SCFD2: variants seen among roughly 807,000 people sequenced by gnomAD.
The protein encoded by SCFD2 is sec1 family domain-containing protein 2.
In SCFD2, 54 loss-of-function variants were observed where a neutral mutation model predicts 58.9. The ratio of observed to expected loss-of-function variants is 0.92; its 90% CI spans 0.74 to 1.15. SCFD2 has a LOEUF of 1.15. SCFD2 is among the 50% of genes most tolerant of loss of function. The probability of loss-of-function intolerance (pLI) is 0.00; values close to 1 mark genes in which losing one functional copy is unlikely to be tolerated. For synonymous variants in SCFD2, 321 were observed against 335.9 expected (o/e 0.96, Z 0.49); for missense variants, 805 against 836.6 (o/e 0.96, Z 0.47).
chr4:52,958,099 C>CTTCTTT, intron 5 of SCFD2: 1 of 152,154 alleles, frequency 6.6e-6, no homozygotes, highest in Non-Finnish European at 1.5e-5. Flanking sequence ...AAGGAAAAAA[C>CTTCTTT]GTTCATTTTC....
At chr4:53,134,380 A>G (rs1361707212) in intron 5 of SCFD2, among the ~76,000 whole-genome samples, 1 of 152,174 alleles carries the variant, frequency 6.6e-6, no homozygotes, top group East Asian at 1.9e-4. Flanking sequence ...AAAAAAAAAC[A>G]GTGCTTTTTA....
Position 52,873,857 on chromosome 4 carries a change from C to A in SCFD2, c.*112G>T. ...CAAGACCCTTCAGGCAGAATTCCAT[C>A]ATTCTCGCAATTAGTGACAGGGACG... On this transcript the variant is annotated 3_prime_UTR_variant, in exon 9 of 9. Transcript: ENST00000401642. 1.4e-6 allele frequency: 1 copy of A among 713,496 alleles called. No individual in the cohort carries two copies. The allele number at this position is 713,496 out of a possible 1,614,324, so 44.2% of individuals were successfully genotyped here. A position where few individuals can be genotyped will look rare whatever the true frequency, so the allele number is the denominator to read the frequency against.
chr4:52,923,352 C>T (rs1015323605), intron 5 of SCFD2, among the ~76,000 whole-genome samples: 2 of 151,998 alleles, frequency 1.3e-5, no homozygotes, highest in African/African-American at 2.4e-5. Flanking sequence ...TGGCAGGCCG[C>T]GTATAATCCG....
At chr4:53,248,350 G>A (rs1192350837) in intron 4 of SCFD2, among the ~76,000 whole-genome samples, 3 of 152,224 alleles carry the variant, frequency 2.0e-5, no homozygotes, top group Admixed American at 6.5e-5. Flanking sequence ...TGGGGGAGGG[G>A]CGCCCGCCAT....
At chr4:53,235,761 GGAAAT>G (rs1386486648) in intron 4 of SCFD2, among the ~76,000 whole-genome samples, 4 of 152,166 alleles carry the variant, frequency 2.6e-5, no homozygotes, top group Non-Finnish European at 5.9e-5. Context: ...GTGTGGAAGA[GGAAAT>G]GAAAGTATGA....
Position 52,985,621 on chromosome 4 carries a change from A to G in SCFD2, c.1562-64751T>C, listed in dbSNP as rs369505644. On this transcript the variant is annotated intron_variant, in intron 5 of 8. Transcript: ENST00000401642. ...AATCACACCCCCAGACGTATCTGAA[A>G]AACTTCCTTTGGAAGATTGCAAAAG... 1.8e-4 allele frequency among the ~76,000 whole-genome samples: 24 copies of G among 132,612 alleles called. 1 individual carries two copies. The South Asian group carries it at 5.7e-3, about 32-fold the overall frequency. 87.0% of individuals were successfully genotyped at this position (132,612 alleles called of 152,430 possible).
intron 7 of SCFD2, among the ~76,000 whole-genome samples, chr4:52,891,430 T>C (rs998860741): frequency 4.6e-5 from 7 of 152,190 alleles, no homozygotes; most frequent in African/African-American, 1.7e-4. Context: ...CATCACTTTA[T>C]GCAAGCCTTA....
At chr4:53,247,934 T>C (rs974409896) in intron 4 of SCFD2, among the ~76,000 whole-genome samples, 1 of 137,110 alleles carries the variant, frequency 7.3e-6, no homozygotes, top group Non-Finnish European at 1.6e-5. Flanking sequence ...GATGGCCGAA[T>C]AGGAACAGCT....
At chr4:53,212,257 A>G (rs1394041180) in intron 4 of SCFD2, among the ~76,000 whole-genome samples, 1 of 152,006 alleles carries the variant, frequency 6.6e-6, no homozygotes, top group Non-Finnish European at 1.5e-5. Flanking sequence ...TTAACCATAC[A>G]TTATAGCTTA....
At chr4:53,268,251 T>A (rs1396533883) in intron 4 of SCFD2, among the ~76,000 whole-genome samples, 6 of 151,630 alleles carry the variant, frequency 4.0e-5, no homozygotes, top group Non-Finnish European at 8.8e-5. Context: ...CCCAAGGGGA[T>A]GGAAAGGGCA....
At chr4:53,285,516 C>T (rs1305346395) in intron 3 of SCFD2, among the ~76,000 whole-genome samples, 5 of 151,928 alleles carry the variant, frequency 3.3e-5, no homozygotes, top group African/African-American at 1.2e-4. Flanking sequence ...TTTAAGAAGA[C>T]TGATAAGAAA....
At chr4:53,263,476 A>T (rs1426709645) in intron 4 of SCFD2, among the ~76,000 whole-genome samples, 2 of 152,036 alleles carry the variant, frequency 1.3e-5, no homozygotes, top group Non-Finnish European at 2.9e-5. Flanking sequence ...TCCCCTAGGG[A>T]TGGGGCTTCC....
chr4:52,995,413 CGTGGACCA>C (rs765751995), intron 5 of SCFD2, among the ~76,000 whole-genome samples: 2 of 152,106 alleles, frequency 1.3e-5, no homozygotes, highest in Non-Finnish European at 2.9e-5. Context: ...CCTAACAGGC[CGTGGACCA>C]GTGTCAGTCC....
At chr4:52,932,783 C>A (rs1720030381) in intron 5 of SCFD2, among the ~76,000 whole-genome samples, 1 of 152,154 alleles carries the variant, frequency 6.6e-6, no homozygotes, top group African/African-American at 2.4e-5. Context: ...CTGCCCCAAT[C>A]TAAGGTTCCA....
chr4:53,070,100 G>C (rs1723774972), intron 5 of SCFD2, among the ~76,000 whole-genome samples: 1 of 151,938 alleles, frequency 6.6e-6, no homozygotes, highest in South Asian at 2.1e-4. Flanking sequence ...TTAAAATAAA[G>C]AAACCAACCA....
At chr4:53,360,180 T>G (rs1357918030) in intron 1 of SCFD2, among the ~76,000 whole-genome samples, 1 of 152,230 alleles carries the variant, frequency 6.6e-6, no homozygotes, top group East Asian at 1.9e-4. Flanking sequence ...TGTATATCAC[T>G]AATATGGGAT....
chr4:53,224,383 C>G (rs1026136566), intron 4 of SCFD2, among the ~76,000 whole-genome samples: 1 of 92,102 alleles, frequency 1.1e-5, no homozygotes, highest in East Asian at 3.3e-4. Context: ...AGCAAGACTC[C>G]GTCTCAAAAA....
chr4:53,354,022 T>C (rs1211689056), intron 1 of SCFD2, among the ~76,000 whole-genome samples: 1 of 152,260 alleles, frequency 6.6e-6, no homozygotes, highest in Non-Finnish European at 1.5e-5. Context: ...TAGCTTCGCC[T>C]AGTGGATCAC....
At chr4:53,025,703 G>A (rs1035703318) in intron 5 of SCFD2, among the ~76,000 whole-genome samples, 4 of 152,114 alleles carry the variant, frequency 2.6e-5, no homozygotes, top group Admixed American at 6.5e-5. Flanking sequence ...CAATTGATGC[G>A]GGAAAAACTA....
Sources: allele counts gnomAD v4.1 joint callset (sites outside exome capture counted in the v4.1 genomes callset), GRCh38; gene constraint gnomAD v4.1.1; transcripts MANE v1.5; gene names NCBI Gene and HGNC (gene_info 2026-07-23, HGNC 2026-07-21).